The following BCKDHB variants were observed in gnomAD, a reference collection of about 807,000 sequenced individuals.
BCKDHB encodes 2-oxoisovalerate dehydrogenase subunit beta, mitochondrial.
Under a neutral mutation model 48.5 loss-of-function variants are expected in BCKDHB, and 41 were observed. The observed-to-expected ratio is 0.85, with a 90% CI of 0.66 to 1.10. The LOEUF (loss-of-function observed/expected upper bound fraction) is 1.10, where lower values mean the gene tolerates loss of function less well. Among genes scored for constraint, BCKDHB ranks in the 50% least tolerant of loss-of-function variants. BCKDHB has a pLI of 0.00. For synonymous variants in BCKDHB, 201 were observed against 174.8 expected, an observed-to-expected ratio of 1.15 and a Z score of -1.18; for missense variants, 496 against 494.2, an observed-to-expected ratio of 1.00 and a Z score of -0.03.
intron 3 of BCKDHB, among the ~76,000 whole-genome samples, chr6:80,146,700 T>C (rs1158601619): frequency 2.0e-5 from 3 of 152,116 alleles, no homozygotes; most frequent in South Asian, 2.1e-4. Flanking sequence ...ATTGGCAACA[T>C]CAAGTACTTC....
At chr6:80,417,047 G>A in the BCKDHB span, among the ~76,000 whole-genome samples, 13 of 152,160 alleles carry the variant, frequency 8.5e-5, no homozygotes, top group South Asian at 2.7e-3. Flanking sequence ...TGTGTTGGGT[G>A]CATATATATT....
At chr6:80,403,583 A>G in the BCKDHB span, among the ~76,000 whole-genome samples, 1 of 151,518 alleles carries the variant, frequency 6.6e-6, no homozygotes, top group Admixed American at 6.6e-5. Flanking sequence ...CTTTTTTGGG[A>G]TACTTGCTCT....
intron 6 of BCKDHB, among the ~76,000 whole-genome samples, chr6:80,185,617 T>C (rs1773606469): frequency 6.6e-6 from 1 of 152,190 alleles, no homozygotes; most frequent in South Asian, 2.1e-4. Flanking sequence ...GGCTGATCCC[T>C]TGATGTGATG....
chr6:80,339,015 A>G (rs1039351452), intron 9 of BCKDHB, among the ~76,000 whole-genome samples: 1 of 151,818 alleles, frequency 6.6e-6, no homozygotes, highest in Non-Finnish European at 1.5e-5. Context: ...AAAAAAAAAA[A>G]TTGTTGAGGA....
chr6:80,441,795 T>C, the BCKDHB span, among the ~76,000 whole-genome samples: 7 of 152,152 alleles, frequency 4.6e-5, no homozygotes, highest in Admixed American at 4.6e-4. Flanking sequence ...ATATACCAAA[T>C]AGCTACTAAG....
chr6:80,378,443 C>CTG, the BCKDHB span, among the ~76,000 whole-genome samples: 40 of 151,688 alleles, frequency 2.6e-4, 1 homozygote, highest in East Asian at 7.0e-3. Context: ...CAGTATTCCA[C>CTG]TGTGTGTGTG....
chr6:80,292,594 C>A (rs893502333), intron 9 of BCKDHB, among the ~76,000 whole-genome samples: 6 of 152,100 alleles, frequency 3.9e-5, no homozygotes, highest in African/African-American at 9.7e-5. Context: ...CAAACCATAT[C>A]ATTCCACCCC....
intron 1 of BCKDHB, among the ~76,000 whole-genome samples, chr6:80,117,284 C>G (rs1200594012): frequency 6.6e-6 from 1 of 152,120 alleles, no homozygotes; most frequent in Non-Finnish European, 1.5e-5. Flanking sequence ...CGAATAGATT[C>G]TTTGTGGTTA....
the BCKDHB span, among the ~76,000 whole-genome samples, chr6:80,457,526 A>G: frequency 4.6e-5 from 7 of 152,340 alleles, no homozygotes; most frequent in African/African-American, 1.7e-4. Flanking sequence ...CTGAGTGTTC[A>G]GAGCACATTT....
chr6:80,117,718 C>T (rs1242819139), intron 1 of BCKDHB, among the ~76,000 whole-genome samples: 1 of 152,214 alleles, frequency 6.6e-6, no homozygotes, highest in Non-Finnish European at 1.5e-5. Flanking sequence ...GATAGCTAGC[C>T]CAGCCCATCC....
chr6:80,364,011 G>T, the BCKDHB span, among the ~76,000 whole-genome samples: 1 of 152,306 alleles, frequency 6.6e-6, no homozygotes, highest in African/African-American at 2.4e-5. Context: ...AGGCAGTGGG[G>T]TAAAAGTTGC....
chr6:80,230,029 T>G (rs1335893766), intron 8 of BCKDHB, among the ~76,000 whole-genome samples: 3 of 31,080 alleles, frequency 9.7e-5, no homozygotes, highest in Admixed American at 3.8e-4. Context: ...TTAGGTTGTT[T>G]TTTTTTTTTT....
At chr6:80,320,369 A>G (rs1562227706) in intron 9 of BCKDHB, among the ~76,000 whole-genome samples, 1 of 152,218 alleles carries the variant, frequency 6.6e-6, no homozygotes, top group Non-Finnish European at 1.5e-5. Flanking sequence ...CTGACATAAA[A>G]GTTAAGAATT....
chr6:80,337,468 G>C (rs980175375), intron 9 of BCKDHB, among the ~76,000 whole-genome samples: 10 of 152,006 alleles, frequency 6.6e-5, no homozygotes, highest in African/African-American at 1.9e-4. Flanking sequence ...ACTAAATGGT[G>C]TTCCAATTTA....
chr6:80,451,135 T>A, the BCKDHB span, among the ~76,000 whole-genome samples: 11 of 152,170 alleles, frequency 7.2e-5, no homozygotes. Flanking sequence ...AACTAAAGTT[T>A]TCTTTCCCCG....
At chr6:80,266,192 A>G (rs1243844674) in intron 8 of BCKDHB, among the ~76,000 whole-genome samples, 4 of 152,138 alleles carry the variant, frequency 2.6e-5, no homozygotes, top group East Asian at 1.9e-4. Flanking sequence ...ACATGTTACA[A>G]TTTCTTTTCT....
intron 8 of BCKDHB, among the ~76,000 whole-genome samples, chr6:80,250,874 G>A (rs543526297): frequency 6.6e-6 from 1 of 152,190 alleles, no homozygotes; most frequent in East Asian, 1.9e-4. Flanking sequence ...GTCCACTTAG[G>A]GTTATGAAGA....
chr6:80,156,579 A>G (rs1297313121), intron 3 of BCKDHB, among the ~76,000 whole-genome samples: 1 of 152,212 alleles, frequency 6.6e-6, no homozygotes, highest in African/African-American at 2.4e-5. Flanking sequence ...GCAGAATTCA[A>G]TATGGCTGTG....
intron 8 of BCKDHB, among the ~76,000 whole-genome samples, chr6:80,239,523 T>C (rs560688990): frequency 5.9e-5 from 9 of 152,330 alleles, no homozygotes; most frequent in African/African-American, 2.2e-4. Flanking sequence ...GATGAGTAGA[T>C]TGCAAAATTT....
Sources: allele counts gnomAD v4.1 joint callset (sites outside exome capture counted in the v4.1 genomes callset), GRCh38; gene constraint gnomAD v4.1.1; transcripts MANE v1.5; gene names NCBI Gene and HGNC (gene_info 2026-07-23, HGNC 2026-07-21).